CPAP: variants seen among roughly 807,000 people sequenced by gnomAD.
The protein encoded by CPAP is centrosomal P4.1-associated protein.
the CPAP span, among the ~76,000 whole-genome samples, chr13:24,900,573 T>C: frequency 1.3e-5 from 2 of 150,988 alleles, no homozygotes; most frequent in Admixed American, 6.6e-5. Context: ...ACCTGGGAGG[T>C]AGAGGTTGCA....
the CPAP span, among the ~76,000 whole-genome samples, chr13:24,918,035 G>A: frequency 1.4e-4 from 21 of 152,270 alleles, no homozygotes; most frequent in African/African-American, 4.6e-4. Context: ...GTTTTGGAGC[G>A]GACAGTCAAG....
At chr13:24,906,574 C>T in the CPAP span, 1 of 1,614,156 alleles carries the variant, frequency 6.2e-7, no homozygotes, top group African/African-American at 1.3e-5. Context: ...CAAATTTGAT[C>T]TGGTCTCTAA....
the CPAP span, chr13:24,899,537 C>T: frequency 9.9e-6 from 16 of 1,613,742 alleles, no homozygotes; most frequent in Admixed American, 1.7e-5. Context: ...CTCTTCTATT[C>T]GAGCTAATTC....
the CPAP span, among the ~76,000 whole-genome samples, chr13:24,923,784 A>C: frequency 1.3e-5 from 2 of 149,956 alleles, no homozygotes; most frequent in African/African-American, 4.8e-5. Flanking sequence ...ACTTCTCTAA[A>C]TCAAGATTTC....
the CPAP span, among the ~76,000 whole-genome samples, chr13:24,927,954 C>T: frequency 2.6e-5 from 4 of 152,164 alleles, no homozygotes; most frequent in Non-Finnish European, 5.9e-5. Context: ...AAGGTTAAAT[C>T]GAATACTAAC....
chr13:24,907,064 T>A, the CPAP span: 3 of 1,607,808 alleles, frequency 1.9e-6, no homozygotes, highest in African/African-American at 2.7e-5. Context: ...CTTAGAATGA[T>A]TTAATCAGAA....
At chr13:24,906,283 A>G in the CPAP span, 3 of 1,602,572 alleles carry the variant, frequency 1.9e-6, no homozygotes, top group African/African-American at 4.0e-5. Flanking sequence ...ATATTTCATC[A>G]GCAGCTTGTT....
At chr13:24,905,957 T>C in the CPAP span, 6 of 1,614,086 alleles carry the variant, frequency 3.7e-6, no homozygotes, top group Admixed American at 3.3e-5. Flanking sequence ...AACACCTTCA[T>C]CGTCACGTGC....
At chr13:24,919,828 A>C in the CPAP span, among the ~76,000 whole-genome samples, 2 of 152,264 alleles carry the variant, frequency 1.3e-5, no homozygotes, top group African/African-American at 4.8e-5. Flanking sequence ...CATTGGCACA[A>C]TCACGGCTCA....
the CPAP span, among the ~76,000 whole-genome samples, chr13:24,903,695 T>C: frequency 1.2e-3 from 186 of 152,340 alleles, no homozygotes; most frequent in Non-Finnish European, 1.7e-3. Context: ...CAAACTGTTT[T>C]TCAAATTTTA....
At chr13:24,909,727 G>C in the CPAP span, 1 of 1,436,450 alleles carries the variant, frequency 7.0e-7, no homozygotes, top group South Asian at 1.2e-5. Context: ...ACATGGAAAG[G>C]CTTCATCTTA....
the CPAP span, among the ~76,000 whole-genome samples, chr13:24,930,073 G>A: frequency 1.3e-5 from 2 of 151,452 alleles, no homozygotes; most frequent in South Asian, 4.2e-4. Context: ...ACCATGCCCA[G>A]TTAATTTTTT....
At chr13:24,885,634 CGAG>C in the CPAP span, 2 of 1,612,790 alleles carry the variant, frequency 1.2e-6, no homozygotes, top group South Asian at 1.1e-5. Context: ...GCCTAAATCA[CGAG>C]GAGGTGCAGA....
chr13:24,897,651 CATA>C, the CPAP span, among the ~76,000 whole-genome samples: 1 of 152,058 alleles, frequency 6.6e-6, no homozygotes, highest in African/African-American at 2.4e-5. Flanking sequence ...TGTTAAGATA[CATA>C]ATGATTTCAG....
chr13:24,929,108 G>A, the CPAP span, among the ~76,000 whole-genome samples: 1 of 152,188 alleles, frequency 6.6e-6, no homozygotes, highest in East Asian at 1.9e-4. Context: ...CTATCACCTG[G>A]GCTGGAGGGC....
At chr13:24,907,114 C>A in the CPAP span, 1 of 1,613,812 alleles carries the variant, frequency 6.2e-7, no homozygotes, top group South Asian at 1.1e-5. Context: ...TGCTTCAGTT[C>A]TTGCTCTTCC....
the CPAP span, among the ~76,000 whole-genome samples, chr13:24,918,300 T>A: frequency 6.6e-6 from 1 of 152,176 alleles, no homozygotes; most frequent in African/African-American, 2.4e-5. Flanking sequence ...TTTTAAAAAA[T>A]TTTAAGATAA....
chr13:24,915,300 G>C, the CPAP span, among the ~76,000 whole-genome samples: 2 of 152,114 alleles, frequency 1.3e-5, no homozygotes, highest in Non-Finnish European at 2.9e-5. Context: ...AGGTTTTGGG[G>C]AATCAGAGAC....
At chr13:24,883,358 T>C in the CPAP span, 2 of 1,607,080 alleles carry the variant, frequency 1.2e-6, no homozygotes, top group Non-Finnish European at 1.7e-6. Context: ...CTCTATGAGT[T>C]TGTTGCCATC....
Sources: allele counts gnomAD v4.1 joint callset (sites outside exome capture counted in the v4.1 genomes callset), GRCh38; gene constraint gnomAD v4.1.1; transcripts MANE v1.5; gene names NCBI Gene and HGNC (gene_info 2026-07-23, HGNC 2026-07-21).